DNMBP: variants seen among roughly 807,000 people sequenced by gnomAD.
The protein encoded by DNMBP is dynamin binding protein.
Under a neutral mutation model 150.0 loss-of-function variants are expected in DNMBP, and 87 were observed. The observed-to-expected ratio is 0.58, with a 90% confidence interval of 0.49 to 0.69. DNMBP has a LOEUF of 0.69. Among genes scored for constraint, DNMBP ranks in the 30% least tolerant of loss-of-function variants. The pLI is 0.00. For missense variants in DNMBP, 1,774 were observed against 1,949.0 expected, an observed-to-expected ratio of 0.91 and a Z score of 1.69; for synonymous variants, 711 against 750.4, an observed-to-expected ratio of 0.95 and a Z score of 0.86.
At chr10:99,975,221 G>A (rs544736905) in intron 1 of DNMBP, among the ~76,000 whole-genome samples, 26 of 152,130 alleles carry the variant, frequency 1.7e-4, no homozygotes, top group South Asian at 1.3e-3. Flanking sequence ...TTAGCCAGGC[G>A]TGGTGGTGCA....
At position 99,896,285 on chromosome 10, in the gene DNMBP, G is replaced by A. The variant is rs1353481022; in HGVS notation, c.3033C>T (p.Leu1011=). The A allele has an allele frequency of 6.2e-7, 1 of 1,614,048 alleles. No homozygotes were observed. The highest frequency in any genetic ancestry group is 2.2e-5 in the East Asian group (1 of 44,896). Residue 1011 remains leucine, a synonymous_variant, in exon 10 of 17, where the codon CTC becomes CTT. Transcript: ENST00000324109. ...SNRVSSHLKH[L]TGFAPQIKDE... Reference sequence around the variant, plus strand: ...ATCTCACCTGAGGAGCAAAGCCAGTGAGATGCTTCAGGTGACTGCTAACTC... The same window carrying A: ...ATCTCACCTGAGGAGCAAAGCCAGTAAGATGCTTCAGGTGACTGCTAACTC...
rs759880230 is a variant in DNMBP at position 99,880,397 on chromosome 10, TAGC to T, written c.3998-39_3998-37del. On this transcript the variant is annotated intron_variant, in intron 15 of 16. Transcript: ENST00000324109. ...AACAGGAAATATAAACAAGAACTCTTAGCAGAAGGCTGGACAGACAGAGGGAGC... is the reference window on the plus strand; with the variant it reads ...AACAGGAAATATAAACAAGAACTCTTAGAAGGCTGGACAGACAGAGGGAGC... 8.6e-6 allele frequency: 13 copies of T among 1,510,974 alleles called. No individual in the cohort carries two copies. The South Asian group carries it at 1.4e-4, about 17-fold the overall frequency. The allele number at this position is 1,510,974 out of a possible 1,614,324, so 93.6% of individuals were successfully genotyped here. A position where few individuals can be genotyped will look rare whatever the true frequency, so the allele number is the denominator to read the frequency against.
intron 3 of DNMBP, among the ~76,000 whole-genome samples, chr10:99,961,279 T>C (rs1205554484): frequency 1.5e-5 from 2 of 134,712 alleles, no homozygotes; most frequent in African/African-American, 5.6e-5. Flanking sequence ...TTTTTTTTTT[T>C]TTTTTTTTTT....
At chr10:99,948,182 C>T (rs1238456668) in intron 4 of DNMBP, among the ~76,000 whole-genome samples, 3 of 152,064 alleles carry the variant, frequency 2.0e-5, no homozygotes, top group Admixed American at 6.5e-5. Flanking sequence ...AATCATATCA[C>T]GACATTGTGG....
chr10:99,905,107 C>CA (rs148094586), intron 6 of DNMBP, among the ~76,000 whole-genome samples: 4,797 of 152,294 alleles, frequency 0.031, 80 homozygotes, highest in South Asian at 0.079. Flanking sequence ...ATACTTATTT[C>CA]AAGTGCCTTA....
chr10:99,929,931 T>C (rs2040128938), intron 4 of DNMBP: 1 of 702,952 alleles, frequency 1.4e-6, no homozygotes, highest in Non-Finnish European at 2.6e-6. Flanking sequence ...ATTACGAGAT[T>C]TATATGCACA....
At chr10:99,899,784 A>G in intron 7 of DNMBP, 135 bp downstream of exon 7, 1 of 1,027,394 alleles carries the variant, frequency 9.7e-7, no homozygotes, top group Non-Finnish European at 1.5e-6. Context: ...TACAATCAGG[A>G]AACCACTTAA....
chr10:99,933,875 T>C (rs1171449896), intron 4 of DNMBP, among the ~76,000 whole-genome samples: 1 of 152,218 alleles, frequency 6.6e-6, no homozygotes, highest in Non-Finnish European at 1.5e-5. Context: ...CAGCTGGGAC[T>C]ACAGGCGCCC....
chr10:99,987,486 C>A (rs1202025864), intron 1 of DNMBP, among the ~76,000 whole-genome samples: 1 of 152,214 alleles, frequency 6.6e-6, no homozygotes, highest in Non-Finnish European at 1.5e-5. Context: ...GTAATCCTAG[C>A]ACTTTGGGAG....
chr10:99,929,362 T>G (rs979333016), intron 4 of DNMBP, among the ~76,000 whole-genome samples: 3 of 151,922 alleles, frequency 2.0e-5, no homozygotes, highest in African/African-American at 7.3e-5. Context: ...CCAGGAAGCG[T>G]AAATAAAAGT....
At chr10:99,933,268 C>T (rs1377567574) in intron 4 of DNMBP, among the ~76,000 whole-genome samples, 1 of 151,044 alleles carries the variant, frequency 6.6e-6, no homozygotes, top group East Asian at 1.9e-4. Context: ...TGCCCTCCAG[C>T]CTGGGTAACA....
chr10:99,903,093 C>G (rs920579324), intron 6 of DNMBP, among the ~76,000 whole-genome samples: 2 of 143,424 alleles, frequency 1.4e-5, no homozygotes, highest in African/African-American at 5.2e-5. Context: ...TGCTACCACA[C>G]CTGGGCAATT....
In DNMBP at chr10:99,900,075, T is replaced by C; in HGVS notation, c.2555-9A>G. Reference sequence around the variant, plus strand: ...ACCAAGAAACACAGGTCCTTTGGAATACACACAAACATACAGTGTTTTTAG... The same window carrying C: ...ACCAAGAAACACAGGTCCTTTGGAACACACACAAACATACAGTGTTTTTAG... On this transcript the variant is annotated splice_polypyrimidine_tract_variant and intron_variant, in intron 6 of 16. Coordinates refer to ENST00000324109, the MANE Select transcript of DNMBP (RefSeq NM_015221.4). 6.2e-7 allele frequency: 1 copy of C among 1,614,112 alleles called. No individual in the cohort carries two copies. Among genetic ancestry groups the C allele is most frequent in the Non-Finnish European group, 8.5e-7 (1 of 1,180,004 alleles).
chr10:99,957,058 A>G lies in DNMBP; in HGVS notation c.416T>C (p.Leu139Pro). The change falls in exon 4 of 17, where the codon CTG (leucine) becomes CCG (proline). Residue 139 changes from leucine (L) to proline (P), a missense_variant. Coordinates refer to ENST00000324109, the MANE Select transcript of DNMBP (RefSeq NM_015221.4). ...CATGGAATATTCCGGAATCTGAAAC[A>G]GGGCGCTCTGGGAGTGCCACTGCCG... The part of the protein sequence containing the change: ...QSRQWHSQSA[L>P]FQIPEYSMGQ... 1 of 1,614,208 alleles carries G rather than the reference A, an allele frequency of 6.2e-7. No individual in the cohort carries two copies. The highest frequency in any genetic ancestry group is 8.5e-7 in the Non-Finnish European group (1 of 1,180,042).
intron 1 of DNMBP, among the ~76,000 whole-genome samples, chr10:99,975,894 G>A (rs1303312469): frequency 6.6e-6 from 1 of 152,156 alleles, no homozygotes; most frequent in African/African-American, 2.4e-5. Flanking sequence ...CATTCATTGA[G>A]TACTTCCTAG....
At chr10:99,915,094 C>CAAAAAAAAA (rs1290992306) in intron 4 of DNMBP, among the ~76,000 whole-genome samples, 1 of 81,556 alleles carries the variant, frequency 1.2e-5, no homozygotes, top group East Asian at 3.1e-4. Context: ...AACTCTGTCT[C>CAAAAAAAAA]AAAAAAAAAA....
chr10:99,888,716 TA>T, intron 12 of DNMBP, 108 bp downstream of exon 12: 2 of 1,309,928 alleles, frequency 1.5e-6, no homozygotes, highest in Non-Finnish European at 2.1e-6. Flanking sequence ...AAAGGATGAC[TA>T]ATATGCCTGG....
At chr10:99,897,188 T>C (rs2039668320) in intron 9 of DNMBP, among the ~76,000 whole-genome samples, 1 of 152,214 alleles carries the variant, frequency 6.6e-6, no homozygotes, top group African/African-American at 2.4e-5. Flanking sequence ...CACTGTGCTA[T>C]ATATACTCAC....
At chr10:99,913,932 C>A in intron 4 of DNMBP, 2 of 1,317,514 alleles carry the variant, frequency 1.5e-6, no homozygotes, top group Non-Finnish European at 2.0e-6. Flanking sequence ...TCTGTGCTGG[C>A]TCCCACACCC....
Sources: allele counts gnomAD v4.1 joint callset (sites outside exome capture counted in the v4.1 genomes callset), GRCh38; gene constraint gnomAD v4.1.1; transcripts MANE v1.5; gene names NCBI Gene and HGNC (gene_info 2026-07-23, HGNC 2026-07-21).